The following PITRM1 variants were observed in gnomAD, a reference collection of about 807,000 sequenced individuals.
PITRM1 encodes the protein pitrilysin metallopeptidase 1, also known as presequence protease, mitochondrial.
In PITRM1, 100 loss-of-function variants were observed where a neutral mutation model predicts 129.9. The observed-to-expected ratio is 0.77, with a 90% CI of 0.65 to 0.91. The LOEUF (loss-of-function observed/expected upper bound fraction) is 0.91. Ranked by LOEUF, PITRM1 falls within the 40% of genes least tolerant of loss-of-function variation. The pLI is 0.00. For synonymous variants in PITRM1, 591 were observed against 508.8 expected (o/e 1.16, Z -2.17); for missense variants, 1,471 against 1,318.3 (o/e 1.12, Z -1.79).
chr10:3,165,454 C>T lies in PITRM1; in HGVS notation c.492G>A (p.Leu164=), dbSNP rs1205361189. 6.2e-7 allele frequency: 1 copy of T among 1,613,458 alleles called. No homozygotes were observed. Among genetic ancestry groups the T allele is most frequent in the South Asian group, 1.1e-5 (1 of 90,904 alleles). ...KDFQNLLSVY[L]DATFFPCLRE... is the part of the protein sequence containing the mutation. ...GTAAACATGGGAAAAAGGTGGCATC[C>T]AAATACACCGAGAGGAGATTCTGAA... The change falls in exon 5 of 27, where the codon TTG becomes TTA. Residue 164 remains leucine, a synonymous_variant. Transcript: ENST00000224949.
At chr10:3,158,199 C>T (rs1271770336) in intron 10 of PITRM1, 46 bp from the exon 11 acceptor site, 2 of 1,054,774 alleles carry the variant, frequency 1.9e-6, no homozygotes, top group Non-Finnish European at 2.9e-6. Context: ...CGGGCACGTT[C>T]ATCATGCCCT....
intron 25 of PITRM1, chr10:3,138,551 G>A: frequency 3.3e-6 from 2 of 609,504 alleles, no homozygotes; most frequent in East Asian, 2.8e-5. Context: ...TCTGCAGCAG[G>A]GATGCAGTCA....
chr10:3,164,704 T>TA (rs1842719969), intron 6 of PITRM1, among the ~76,000 whole-genome samples: 3 of 152,232 alleles, frequency 2.0e-5, no homozygotes, highest in South Asian at 2.1e-4. Flanking sequence ...CTGAGACATT[T>TA]AAAAAATACT....
chr10:3,153,094 T>C (rs920301283), intron 14 of PITRM1, among the ~76,000 whole-genome samples: 1 of 152,230 alleles, frequency 6.6e-6, no homozygotes, highest in Non-Finnish European at 1.5e-5. Flanking sequence ...CATGCACACT[T>C]GAAGACTTAC....
chr10:3,149,562 C>T, intron 16 of PITRM1, 59 bp downstream of exon 16: 1 of 1,463,134 alleles, frequency 6.8e-7, no homozygotes, highest in Non-Finnish European at 9.1e-7. Flanking sequence ...CATTAGAATA[C>T]AGATATGCAC....
chr10:3,171,160 A>AAAAAAACAAAAACAAAAAC (rs1843312920), intron 1 of PITRM1, among the ~76,000 whole-genome samples: 15 of 123,974 alleles, frequency 1.2e-4, no homozygotes, highest in African/African-American at 5.0e-4. Context: ...AAAAAAAAAA[A>AAAAAAACAAAAACAAAAAC]AAAAAAAAAA....
upstream of PITRM1, chr10:3,172,798 G>A (rs1416547878): frequency 2.1e-5 from 31 of 1,471,768 alleles, no homozygotes; most frequent in Non-Finnish European, 2.6e-5. Context: ...CCTGGCTGGC[G>A]AGGAACCCCC....
At chr10:3,138,408 C>CCCCT in intron 25 of PITRM1, 71 bp from the exon 26 acceptor site, 1 of 986,454 alleles carries the variant, frequency 1.0e-6, no homozygotes, top group Non-Finnish European at 1.6e-6. Flanking sequence ...GCACTCATGT[C>CCCCT]CCGGAGGGGA....
At chr10:3,145,480 G>T in intron 21 of PITRM1, 116 bp downstream of exon 21, 1 of 824,570 alleles carries the variant, frequency 1.2e-6, no homozygotes, top group Non-Finnish European at 1.9e-6. Context: ...GCGTACGGGG[G>T]ATATGAACCC....
At chr10:3,139,577 A>G (rs907344022) in intron 24 of PITRM1, among the ~76,000 whole-genome samples, 4 of 152,212 alleles carry the variant, frequency 2.6e-5, no homozygotes, top group African/African-American at 9.6e-5. Flanking sequence ...CTTGTCTAGA[A>G]GCATGGCTTC....
chr10:3,168,915 T>TACACACACACACAC (rs61366911), intron 2 of PITRM1, among the ~76,000 whole-genome samples: 1 of 142,842 alleles, frequency 7.0e-6, no homozygotes, highest in Admixed American at 7.0e-5. Context: ...AGTTTCCATC[T>TACACACACACACAC]ACACACACAC....
chr10:3,140,038 G>A (rs1185030839), intron 24 of PITRM1, among the ~76,000 whole-genome samples: 1 of 152,222 alleles, frequency 6.6e-6, no homozygotes, highest in Non-Finnish European at 1.5e-5. Flanking sequence ...CCCCACGGCA[G>A]GGCTGCAACC....
rs1340044713 is a variant in PITRM1 at position 3,143,498 on chromosome 10, G to A, written c.2536C>T (p.Pro846Ser). The change falls in exon 23 of 27, where the codon CCC (proline) becomes TCC (serine). Residue 846 changes from proline to serine, a missense_variant. Physicochemically the swap from Pro to Ser is moderately conservative, Grantham distance 74. Coordinates refer to ENST00000224949, the MANE Select transcript of PITRM1 (RefSeq NM_014889.4). ...SQVIRKLVME[P>S]TFKPWQMKTH... ...TTCATCTGCCAGGGCTTGAAGGTGG[G>A]TTCCTGAGGGACACGGTATGGTCAG... 1.2e-6 allele frequency: 2 copies of A among 1,606,016 alleles called. No homozygotes were observed. Among genetic ancestry groups the A allele is most frequent in the African/African-American group, 1.3e-5 (1 of 74,742 alleles).
chr10:3,146,425 G>GC (rs1174905927), intron 20 of PITRM1: 1 of 152,340 alleles, frequency 6.6e-6, no homozygotes, highest in African/African-American at 2.4e-5. Flanking sequence ...AGCAGAAGAC[G>GC]CAAGTGGGTC....
chr10:3,161,774 CATA>C (rs547388654), intron 7 of PITRM1, among the ~76,000 whole-genome samples: 10 of 151,124 alleles, frequency 6.6e-5, no homozygotes, highest in Non-Finnish European at 1.2e-4. Flanking sequence ...CATCTGATCA[CATA>C]ATCTCAAATA....
chr10:3,138,113 G>A lies in PITRM1; in HGVS notation c.3032C>T (p.Thr1011Ile), dbSNP rs750035091. Residue 1011 changes from threonine (T) to isoleucine (I), a missense_variant, in exon 27 of 27, where the codon ACT (threonine) becomes ATT (isoleucine). Coordinates refer to ENST00000224949, the MANE Select transcript of PITRM1 (RefSeq NM_014889.4). ...LLAVSDRYLG[T>I]GKSTHGLAIL... Reference sequence around the variant, plus strand: ...GGCCAGGCCGTGTGTGCTCTTCCCAGTGCCGAGGTATCTGAGAGGAAGGCA... The same window carrying A: ...GGCCAGGCCGTGTGTGCTCTTCCCAATGCCGAGGTATCTGAGAGGAAGGCA... The A allele has an allele frequency of 1.2e-6, 2 of 1,609,182 alleles. No individual in the cohort carries two copies. The highest frequency in any genetic ancestry group is 2.2e-5 in the South Asian group (2 of 89,992).
Position 3,167,037 on chromosome 10 carries a change from T to C in PITRM1, c.165A>G (p.Thr55=), listed in dbSNP as rs377423925. 2.0e-4 allele frequency: 314 copies of C among 1,598,466 alleles called. 3 individuals carry two copies. In the African/African-American group the frequency reaches 3.9e-3, roughly 20 times the overall value. Residue 55 remains threonine, a synonymous_variant, in exon 3 of 27, where the codon ACA becomes ACG. Coordinates refer to ENST00000224949, the MANE Select transcript of PITRM1 (RefSeq NM_014889.4). The part of the protein sequence containing the change: ...KIHGFTVNQV[T]SVPELFLTAV... ...CAGTCAGGAACAGCTCGGGAACAGA[T>C]GTCACCTGAGTTAACAAGAAAAACA...
In PITRM1 at chr10:3,140,798, G is replaced by T. The variant is rs998266024; in HGVS notation, c.2660C>A (p.Ala887Glu). 1.3e-6 allele frequency: 2 copies of T among 1,584,276 alleles called. No homozygotes were observed. Among genetic ancestry groups the T allele is most frequent in the South Asian group, 2.3e-5 (2 of 86,652 alleles). Residue 887 changes from alanine to glutamate, a missense_variant, in exon 24 of 27, where the codon GCA (alanine) becomes GAA (glutamate). By Grantham distance (107) the Ala-to-Glu change is moderately radical. Coordinates refer to ENST00000224949, the MANE Select transcript of PITRM1 (RefSeq NM_014889.4). ...DPDHASLKILARLMTAKFLHT... is the reference protein window; with the variant it reads ...DPDHASLKILERLMTAKFLHT... ...CAAGAATTTGGCAGTCATCAAACGTGCAAGGATTTTAAGACTGAAATGATT... is the reference window on the plus strand; with the variant it reads ...CAAGAATTTGGCAGTCATCAAACGTTCAAGGATTTTAAGACTGAAATGATT...
chr10:3,171,147 TAAA>T (rs1169315061), intron 1 of PITRM1, among the ~76,000 whole-genome samples: 3 of 49,172 alleles, frequency 6.1e-5, no homozygotes, highest in African/African-American at 8.0e-5. Context: ...ATCGTTCAAT[TAAA>T]AAAAAAAAAA....
Sources: allele counts gnomAD v4.1 joint callset (sites outside exome capture counted in the v4.1 genomes callset), GRCh38; gene constraint gnomAD v4.1.1; transcripts MANE v1.5; gene names NCBI Gene and HGNC (gene_info 2026-07-23, HGNC 2026-07-21).